Variants in LRP6 observed in about 807,000 individuals in gnomAD.
LRP6 encodes low-density lipoprotein receptor-related protein 6.
A neutral mutation model predicts 184.1 loss-of-function variants in LRP6; 43 were observed. That is an observed-to-expected ratio of 0.23 (90% CI 0.18 to 0.30). The LOEUF (loss-of-function observed/expected upper bound fraction) is 0.30, where lower values mean the gene tolerates loss of function less well. LRP6 is among the 10% of genes least tolerant of loss of function. The pLI is 1.00. For synonymous variants in LRP6, 719 were observed against 684.9 expected (o/e 1.05, Z -0.78); for missense variants, 1,571 against 2,005.3 (o/e 0.78, Z 4.14).
chr12:12,224,295 T>C (rs1039908355), intron 2 of LRP6, among the ~76,000 whole-genome samples: 2 of 152,176 alleles, frequency 1.3e-5, no homozygotes, highest in African/African-American at 2.4e-5. Context: ...TCTACATATA[T>C]AACATCTTAC....
chr12:12,216,030 G>T (rs1199858837), intron 2 of LRP6, among the ~76,000 whole-genome samples: 2 of 151,950 alleles, frequency 1.3e-5, no homozygotes, highest in South Asian at 4.2e-4. Context: ...TAATAATAAT[G>T]ATCTATTTGT....
Position 12,179,931 on chromosome 12 carries a change from G to A in LRP6, c.1424C>T (p.Ala475Val), listed in dbSNP as rs768424745. 7.4e-6 allele frequency: 12 copies of A among 1,613,776 alleles called. No homozygotes were observed. The highest frequency in any genetic ancestry group is 1.0e-5 in the Non-Finnish European group (12 of 1,179,890). The change falls in exon 7 of 23, where the codon GCT becomes GTT. Residue 475 changes from alanine to valine, a missense_variant. Around this residue, in one of 4 missense-constraint regions of LRP6, gnomAD observed 640 missense variants for 851.9 expected, o/e 0.75. Coordinates refer to ENST00000261349, the MANE Select transcript of LRP6 (RefSeq NM_002336.3). ...TACTACACGGTCAGAACCATCCAGA[G>A]CTGCTCGCTCAATTTTCGGAATTTC... ...WGEIPKIERA[A>V]LDGSDRVVLV...
At chr12:12,260,152 C>G (rs1363589870) in intron 1 of LRP6, among the ~76,000 whole-genome samples, 2 of 151,944 alleles carry the variant, frequency 1.3e-5, no homozygotes, top group Non-Finnish European at 2.9e-5. Context: ...GCCGAGGCGG[C>G]TGGATCACCA....
rs147642491 is a variant in LRP6, at chr12:12,229,823, TATGTAATCTATTTGGCCTCTA to T, written c.449+14418_449+14438del. ...AGCAGTAATCTTTACTAACTCTGGT[TATGTAATCTATTTGGCCTCTA>T]ATTTATTTTGGCCTCAATTAGCTTT... On this transcript the variant is annotated intron_variant, in intron 2 of 22. Transcript: ENST00000261349. Among the ~76,000 whole-genome samples, 863 of 152,366 alleles carry T rather than the reference TATGTAATCTATTTGGCCTCTA, an allele frequency of 5.7e-3. 8 individuals are homozygous for T. Among genetic ancestry groups the T allele is most frequent in the African/African-American group, 0.019 (805 of 41,584 alleles).
intron 1 of LRP6, among the ~76,000 whole-genome samples, chr12:12,257,383 C>G (rs1865489990): frequency 6.6e-6 from 1 of 151,822 alleles, no homozygotes; most frequent in South Asian, 2.1e-4. Context: ...TCAGACCATC[C>G]TGGCTAACAC....
At chr12:12,250,486 T>G (rs1240797621) in intron 1 of LRP6, among the ~76,000 whole-genome samples, 2 of 151,596 alleles carry the variant, frequency 1.3e-5, no homozygotes, top group Non-Finnish European at 2.9e-5. Context: ...ATATTAGCTT[T>G]TTTTTTTTTT....
intron 12 of LRP6, among the ~76,000 whole-genome samples, chr12:12,153,843 TCTC>T (rs1246327448): frequency 6.6e-6 from 1 of 152,184 alleles, no homozygotes; most frequent in Admixed American, 6.5e-5. Context: ...GCTTTTCAGT[TCTC>T]TTCTGAAGGC....
intron 2 of LRP6, among the ~76,000 whole-genome samples, chr12:12,221,401 A>AT: frequency 6.6e-6 from 1 of 152,298 alleles, no homozygotes; most frequent in East Asian, 1.9e-4. Flanking sequence ...TTGCTTTAGC[A>AT]TGTTTAAGAC....
intron 13 of LRP6, 113 bp from the exon 14 acceptor site, chr12:12,149,266 A>C: frequency 1.2e-6 from 1 of 818,330 alleles, no homozygotes; most frequent in Admixed American, 1.8e-5. Flanking sequence ...GGCTCTCTCA[A>C]GTCTTAAGGA....
intron 7 of LRP6, among the ~76,000 whole-genome samples, chr12:12,170,986 A>G (rs542904202): frequency 7.7e-4 from 117 of 152,274 alleles, no homozygotes; most frequent in African/African-American, 2.7e-3. Flanking sequence ...AAGACCATAG[A>G]TATATTATTA....
At chr12:12,196,811 T>C (rs572122725) in intron 3 of LRP6, among the ~76,000 whole-genome samples, 3 of 152,244 alleles carry the variant, frequency 2.0e-5, no homozygotes, top group Non-Finnish European at 4.4e-5. Flanking sequence ...TTTGACAAAA[T>C]AGTAGGCAGT....
chr12:12,133,856 G>T (rs1232369909), intron 17 of LRP6, among the ~76,000 whole-genome samples: 2 of 114,508 alleles, frequency 1.7e-5, no homozygotes, highest in Non-Finnish European at 3.7e-5. Flanking sequence ...GGGGGGGGGG[G>T]GGGGGGAGGG....
intron 15 of LRP6, among the ~76,000 whole-genome samples, chr12:12,143,821 ATTTC>A (rs938017402): frequency 2.1e-4 from 32 of 152,288 alleles, no homozygotes; most frequent in African/African-American, 7.5e-4. Flanking sequence ...GAAGACAAAC[ATTTC>A]TTTCTTTTTT....
intron 19 of LRP6, among the ~76,000 whole-genome samples, chr12:12,128,078 G>A (rs1026889501): frequency 1.3e-5 from 2 of 151,910 alleles, no homozygotes; most frequent in Non-Finnish European, 2.9e-5. Flanking sequence ...CTAGCCTCTG[G>A]GTCACACCAT....
chr12:12,192,852 G>T (rs777429556), intron 3 of LRP6, among the ~76,000 whole-genome samples: 3 of 151,928 alleles, frequency 2.0e-5, no homozygotes, highest in Non-Finnish European at 4.4e-5. Context: ...AATTACCAAG[G>T]ATATAGAAAA....
At chr12:12,164,065 G>T (rs183240295) in intron 9 of LRP6, among the ~76,000 whole-genome samples, 33 of 151,966 alleles carry the variant, frequency 2.2e-4, no homozygotes, top group African/African-American at 7.5e-4. Context: ...GGGAGGCAGG[G>T]GTTGCAGTGA....
chr12:12,176,545 C>A (rs1410247289), intron 7 of LRP6, among the ~76,000 whole-genome samples: 2 of 152,152 alleles, frequency 1.3e-5, no homozygotes, highest in African/African-American at 4.8e-5. Flanking sequence ...CAACTCTGTA[C>A]AATATAAAAA....
At position 12,202,400 on chromosome 12, in the gene LRP6, C is replaced by T. The variant is rs533160889; in HGVS notation, c.647+803G>A. On this transcript the variant is annotated intron_variant, in intron 3 of 22. Coordinates refer to ENST00000261349, the MANE Select transcript of LRP6 (RefSeq NM_002336.3). ...TTTACAAAAATGACAAAAATTAGCC[C>T]GGTGTGATGGCGTGTGCCTATAGTC... Among the ~76,000 whole-genome samples, 281 of 152,176 alleles carry T rather than the reference C, an allele frequency of 1.8e-3. 2 individuals are homozygous for T. The highest frequency in any genetic ancestry group is 5.4e-3 in the African/African-American group (224 of 41,512).
In LRP6 at chr12:12,120,008, T is replaced by C. The variant is rs1374746100; in HGVS notation, c.*1118A>G. ...CAAACAAAATATATATATATATATATATATATATATATATATATATATATA... is the reference window on the plus strand; with the variant it reads ...CAAACAAAATATATATATATATATACATATATATATATATATATATATATA... On this transcript the variant is annotated 3_prime_UTR_variant, in exon 23 of 23. Coordinates refer to ENST00000261349, the MANE Select transcript of LRP6 (RefSeq NM_002336.3). The C allele has an allele frequency of 2.4e-4, 21 of 88,476 alleles. 1 individual carries two copies. The highest frequency in any genetic ancestry group is 3.6e-4 in the South Asian group (1 of 2,750). The allele number at this position is 88,476 out of a possible 1,614,324, so 5.5% of individuals were successfully genotyped here.
Sources: allele counts gnomAD v4.1 joint callset (sites outside exome capture counted in the v4.1 genomes callset), GRCh38; gene constraint gnomAD v4.1.1; regional missense constraint gnomAD v4.1.1; transcripts MANE v1.5; gene names NCBI Gene and HGNC (gene_info 2026-07-23, HGNC 2026-07-21).